Variants in ACER2 observed in about 807,000 individuals in gnomAD.
ACER2 encodes alkCDase 2.
Under a neutral mutation model 34.7 loss-of-function variants are expected in ACER2, and 26 were observed. The ratio of observed to expected loss-of-function variants is 0.75; its 90% CI spans 0.55 to 1.04. The LOEUF (loss-of-function observed/expected upper bound fraction) is 1.04. Among genes scored for constraint, ACER2 ranks in the 50% least tolerant of loss-of-function variants. The probability of loss-of-function intolerance (pLI) is 0.00; values close to 1 mark genes in which losing one functional copy is unlikely to be tolerated. For synonymous variants in ACER2, 138 were observed against 132.1 expected, an observed-to-expected ratio of 1.04 and a Z score of -0.31; for missense variants, 352 against 340.8, an observed-to-expected ratio of 1.03 and a Z score of -0.26.
Position 19,439,407 on chromosome 9 carries a change from C to G in ACER2, c.503+4323C>G, listed in dbSNP as rs1831073295. Among the ~76,000 whole-genome samples the G allele has an allele frequency of 2.0e-5, 3 of 148,894 alleles. No individual in the cohort carries two copies. The South Asian group carries it at 6.5e-4, about 32-fold the overall frequency. On this transcript the variant is annotated intron_variant, in intron 4 of 5. Coordinates refer to ENST00000340967, the MANE Select transcript of ACER2 (RefSeq NM_001010887.3). ...CCAGGCTGGAGTGCAGTGGCAAGATCTCGGCTCACTGTAACCTTCACCTCC... is the reference window on the plus strand; with the variant it reads ...CCAGGCTGGAGTGCAGTGGCAAGATGTCGGCTCACTGTAACCTTCACCTCC...
In ACER2 at chr9:19,451,912, GC is replaced by G. The variant is rs1390182597; in HGVS notation, c.*1277del. 2.0e-5 allele frequency: 3 copies of G among 151,756 alleles called. No homozygotes were observed. Among genetic ancestry groups the G allele is most frequent in the African/African-American group, 7.3e-5 (3 of 41,320 alleles). 9.4% of individuals were successfully genotyped at this position (151,756 alleles called of 1,614,324 possible). A position where few individuals can be genotyped will look rare whatever the true frequency, so the allele number is the denominator to read the frequency against. Reference sequence around the variant, plus strand: ...GTTCTTCACGCTTGCAGTAGAAGGTGCTTTCTCGGTTTCCCAGAGTATCCAA... The same window carrying G: ...GTTCTTCACGCTTGCAGTAGAAGGTGTTTCTCGGTTTCCCAGAGTATCCAA... On this transcript the variant is annotated 3_prime_UTR_variant, in exon 6 of 6. Coordinates refer to ENST00000340967, the MANE Select transcript of ACER2 (RefSeq NM_001010887.3).
chr9:19,419,488 G>C (rs1830337091), intron 1 of ACER2, among the ~76,000 whole-genome samples: 1 of 152,142 alleles, frequency 6.6e-6, no homozygotes, highest in Non-Finnish European at 1.5e-5. Flanking sequence ...ACTAAAGGCT[G>C]AGCATGGGAG....
At chr9:19,434,362 A>G (rs1363284591) in intron 3 of ACER2, among the ~76,000 whole-genome samples, 1 of 151,978 alleles carries the variant, frequency 6.6e-6, no homozygotes, top group African/African-American at 2.4e-5. Flanking sequence ...CTCACTTCCC[A>G]GACGGGGTGG....
At chr9:19,435,535 AT>A (rs1163686358) in intron 4 of ACER2, among the ~76,000 whole-genome samples, 2 of 152,226 alleles carry the variant, frequency 1.3e-5, no homozygotes, top group Non-Finnish European at 2.9e-5. Flanking sequence ...TTTACAATCT[AT>A]TAGGTAAAGG....
intron 1 of ACER2, among the ~76,000 whole-genome samples, chr9:19,423,286 G>A (rs1830462864): frequency 6.6e-6 from 1 of 152,192 alleles, no homozygotes; most frequent in Non-Finnish European, 1.5e-5. Context: ...AGGAGCTTGG[G>A]CAGCATCCAT....
At chr9:19,431,564 C>T (rs1414389014) in intron 3 of ACER2, among the ~76,000 whole-genome samples, 2 of 152,208 alleles carry the variant, frequency 1.3e-5, no homozygotes, top group African/African-American at 4.8e-5. Context: ...TTGTGGGTCC[C>T]CAAGGGCCCT....
At position 19,426,428 on chromosome 9, in the gene ACER2, C is replaced by T. The variant is rs543338380; in HGVS notation, c.365+1587C>T. On this transcript the variant is annotated intron_variant, in intron 3 of 5. Transcript: ENST00000340967. ...TTCCCCTCCTTTCCCCTCCCTTCCC[C>T]TTCCCCTCCTGTCTTGAAAGATACC... Among the ~76,000 whole-genome samples, 3 of 149,660 alleles carry T rather than the reference C, an allele frequency of 2.0e-5. No homozygotes were observed. In the East Asian group the frequency reaches 5.9e-4, roughly 30 times the overall value.
chr9:19,423,814 C>A, intron 1 of ACER2, 48 bp from the exon 2 acceptor site: 1 of 1,460,640 alleles, frequency 6.8e-7, no homozygotes, highest in South Asian at 1.1e-5. Context: ...TATTTTTTGC[C>A]CTTTTTACTT....
rs144513346 is a variant in ACER2 at position 19,409,096 on chromosome 9, G to C, written c.12G>C (p.Pro4=). Reference sequence around the variant, plus strand: ...GCCCCGGAGTGGCCATGGGCGCCCCGCACTGGTGGGACCAGCTGCAGGCTG... The same window carrying C: ...GCCCCGGAGTGGCCATGGGCGCCCCCCACTGGTGGGACCAGCTGCAGGCTG... MGA[P]HWWDQLQAGS... The change falls in exon 1 of 6, where the codon CCG becomes CCC. Residue 4 remains proline (P), a synonymous_variant. Coordinates refer to ENST00000340967, the MANE Select transcript of ACER2 (RefSeq NM_001010887.3). 2.0e-3 allele frequency: 3,143 copies of C among 1,593,366 alleles called. 6 individuals are homozygous for C. The highest frequency in any genetic ancestry group is 8.7e-3 in the Middle Eastern group (49 of 5,626).
intron 5 of ACER2, among the ~76,000 whole-genome samples, chr9:19,448,815 T>A (rs922972543): frequency 6.6e-5 from 10 of 152,232 alleles, no homozygotes; most frequent in African/African-American, 2.4e-4. Flanking sequence ...TTTAATTTTC[T>A]TTGTCTGGTC....
intron 1 of ACER2, among the ~76,000 whole-genome samples, chr9:19,415,843 G>A (rs1830225678): frequency 6.6e-6 from 1 of 151,924 alleles, no homozygotes; most frequent in Admixed American, 6.6e-5. Flanking sequence ...CTGGAAAATG[G>A]CTAAACTGCT....
At chr9:19,419,424 G>A (rs1049352800) in intron 1 of ACER2, among the ~76,000 whole-genome samples, 11 of 152,178 alleles carry the variant, frequency 7.2e-5, no homozygotes, top group African/African-American at 2.4e-4. Flanking sequence ...GTCACTAGTC[G>A]CACATAGCAC....
chr9:19,440,042 T>C (rs4501681), intron 4 of ACER2, among the ~76,000 whole-genome samples: 34,092 of 151,772 alleles, frequency 0.22, 4,630 homozygotes, highest in African/African-American at 0.38. Context: ...GCCAATCTGG[T>C]TTCTGCCCCT....
intron 4 of ACER2, among the ~76,000 whole-genome samples, chr9:19,442,882 G>A (rs141305598): frequency 2.0e-5 from 3 of 151,392 alleles, no homozygotes; most frequent in Non-Finnish European, 2.9e-5. Context: ...GCCCAGGCTG[G>A]AGTGCGGTGG....
intron 4 of ACER2, among the ~76,000 whole-genome samples, chr9:19,444,783 G>A (rs1175849229): frequency 6.6e-6 from 1 of 152,200 alleles, no homozygotes; most frequent in Non-Finnish European, 1.5e-5. Flanking sequence ...TCGAAAGCGA[G>A]AAATGGAAAT....
intron 1 of ACER2, among the ~76,000 whole-genome samples, chr9:19,411,477 A>C (rs186089294): frequency 9.2e-5 from 14 of 152,264 alleles, no homozygotes; most frequent in Admixed American, 7.8e-4. Context: ...CTCCACCTCC[A>C]GGTTCAAGCG....
chr9:19,424,463 C>A (rs1374276067), intron 2 of ACER2: 7 of 985,260 alleles, frequency 7.1e-6, no homozygotes, highest in Non-Finnish European at 8.4e-6. Flanking sequence ...ATGCGTTTAA[C>A]TGTGGAATTG....
rs538527374 is a variant in ACER2, at chr9:19,442,182, A to T, written c.504-4099A>T. Among the ~76,000 whole-genome samples the T allele has an allele frequency of 3.7e-4, 57 of 152,286 alleles. No homozygotes were observed. The East Asian group carries it at 0.01, about 27-fold the overall frequency. On this transcript the variant is annotated intron_variant, in intron 4 of 5. Transcript: ENST00000340967. The stretch of plus-strand genomic sequence containing the variant: ...GAGTAACTCAGATACATTGATATTT[A>T]AAAAAATACTTTTTCTGATTATAGG...
At position 19,449,642 on chromosome 9, in the gene ACER2, G is replaced by T. The variant is rs557851862; in HGVS notation, c.642-808G>T. Among the ~76,000 whole-genome samples the T allele has an allele frequency of 6.6e-5, 10 of 152,242 alleles. No individual in the cohort carries two copies. The East Asian group carries it at 1.9e-3, about 29-fold the overall frequency. On this transcript the variant is annotated intron_variant, in intron 5 of 5. Transcript: ENST00000340967. ...CTTACGACTGTAATCCCAGCACTTT[G>T]GGAGGCCGAGGCAGGTGGATTACCT...
Sources: allele counts gnomAD v4.1 joint callset (sites outside exome capture counted in the v4.1 genomes callset), GRCh38; gene constraint gnomAD v4.1.1; transcripts MANE v1.5; gene names NCBI Gene and HGNC (gene_info 2026-07-23, HGNC 2026-07-21).